Variants in RABEP2 observed in about 807,000 individuals in gnomAD.
RABEP2 encodes the protein rab GTPase-binding effector protein 2.
A neutral mutation model predicts 74.1 loss-of-function variants in RABEP2; 57 were observed. That is an observed-to-expected ratio of 0.77 (90% CI 0.62 to 0.96). The LOEUF (loss-of-function observed/expected upper bound fraction) is 0.96. Ranked by LOEUF, RABEP2 falls within the 40% of genes least tolerant of loss-of-function variation. The pLI is 0.00. For synonymous variants in RABEP2, 351 were observed against 344.0 expected, an observed-to-expected ratio of 1.02 and a Z score of -0.23; for missense variants, 692 against 756.3, an observed-to-expected ratio of 0.91 and a Z score of 1.00.
intron 7 of RABEP2, 172 bp downstream of exon 7, chr16:28,910,707 TCTGGCCACG>T: frequency 1.7e-6 from 1 of 584,294 alleles, no homozygotes; most frequent in East Asian, 2.9e-5. Flanking sequence ...GGGGCCCTGT[TCTGGCCACG>T]GCACCAGCTG....
At chr16:28,917,241 G>C (rs1964407624) in intron 3 of RABEP2, among the ~76,000 whole-genome samples, 1 of 152,034 alleles carries the variant, frequency 6.6e-6, no homozygotes, top group African/African-American at 2.4e-5. Context: ...AACCACTCAG[G>C]GACGCTGTTC....
rs1667911953 is a variant in RABEP2, at chr16:28,904,726, T to A, written c.*217A>T. The A allele has an allele frequency of 1.6e-6, 1 of 635,668 alleles. No individual in the cohort carries two copies. The highest frequency in any genetic ancestry group is 2.7e-6 in the Non-Finnish European group (1 of 377,090). The allele number at this position is 635,668 out of a possible 1,614,324, so 39.4% of individuals were successfully genotyped here. A position where few individuals can be genotyped will look rare whatever the true frequency, so the allele number is the denominator to read the frequency against. On this transcript the variant is annotated 3_prime_UTR_variant, in exon 13 of 13. Coordinates refer to ENST00000358201, the MANE Select transcript of RABEP2 (RefSeq NM_024816.3). The stretch of plus-strand genomic sequence containing the variant: ...CTGCACCTTTGGTTCCGGGAGGGGC[T>A]TGGGCCCCTCACCCAGGTGTGATCC...
chr16:28,924,311 T>C (rs1964505424), intron 2 of RABEP2, 92 bp downstream of exon 2: 2 of 1,300,086 alleles, frequency 1.5e-6, no homozygotes, highest in South Asian at 2.5e-5. Context: ...TGCTAACCTA[T>C]CCCATAGCTT....
At position 28,904,742 on chromosome 16, in the gene RABEP2, G is replaced by C; in HGVS notation, c.*201C>G. On this transcript the variant is annotated 3_prime_UTR_variant, in exon 13 of 13. Transcript: ENST00000358201. ...GGGAGGGGCTTGGGCCCCTCACCCAGGTGTGATCCCTGAGAACAGGAGGCC... is the reference window on the plus strand; with the variant it reads ...GGGAGGGGCTTGGGCCCCTCACCCACGTGTGATCCCTGAGAACAGGAGGCC... 3.1e-6 allele frequency: 2 copies of C among 643,880 alleles called. No homozygotes were observed. Among genetic ancestry groups the C allele is most frequent in the South Asian group, 3.9e-5 (2 of 51,150 alleles). 39.9% of individuals were successfully genotyped at this position (643,880 alleles called of 1,614,324 possible).
At chr16:28,918,548 G>A (rs894441815) in intron 3 of RABEP2, among the ~76,000 whole-genome samples, 3 of 152,056 alleles carry the variant, frequency 2.0e-5, no homozygotes, top group Admixed American at 1.3e-4. Context: ...CCAGGAGGCA[G>A]AGGTGGCAGT....
intron 7 of RABEP2, chr16:28,910,591 C>A: frequency 3.2e-6 from 1 of 314,442 alleles, no homozygotes; most frequent in East Asian, 6.5e-5. Flanking sequence ...GATTTTAATC[C>A]TCATGACTCT....
At chr16:28,921,182 T>C (rs1052765947) in intron 2 of RABEP2, 3 of 455,706 alleles carry the variant, frequency 6.6e-6, no homozygotes, top group Non-Finnish European at 1.3e-5. Context: ...TAGTAATAAA[T>C]ATTTACGCTG....
intron 8 of RABEP2, 40 bp downstream of exon 8, chr16:28,908,569 C>T (rs1284942111): frequency 6.4e-7 from 1 of 1,556,324 alleles, no homozygotes; most frequent in Non-Finnish European, 8.7e-7. Context: ...AAGGGGCCCT[C>T]ACGGTGGCTC....
Position 28,905,897 on chromosome 16 carries a change from G to C in RABEP2, c.1424-19C>G. ...AGCACCTCTGTGGGAAGGAAAGAAAGAGAGGTCAAGGCCAGCCTCTCTCCC... is the reference window on the plus strand; with the variant it reads ...AGCACCTCTGTGGGAAGGAAAGAAACAGAGGTCAAGGCCAGCCTCTCTCCC... On this transcript the variant is annotated intron_variant, in intron 9 of 12. Transcript: ENST00000358201. 2 of 1,613,562 alleles carry C rather than the reference G, an allele frequency of 1.2e-6. No homozygotes were observed. The highest frequency in any genetic ancestry group is 1.7e-6 in the Non-Finnish European group (2 of 1,180,000).
intron 1 of RABEP2, 123 bp downstream of exon 1, chr16:28,924,980 T>TC: frequency 8.8e-7 from 1 of 1,140,586 alleles, no homozygotes; most frequent in Middle Eastern, 2.7e-4. Flanking sequence ...CCGCCCCCTT[T>TC]CCCGACGGCG....
At chr16:28,914,815 C>G (rs1964366938) in intron 3 of RABEP2, 33 bp from the exon 4 acceptor site, 1 of 1,597,146 alleles carries the variant, frequency 6.3e-7, no homozygotes, top group African/African-American at 1.3e-5. Context: ...GCAATAGTTC[C>G]CCCTCCAAAG....
chr16:28,919,562 T>C (rs1163564480), intron 3 of RABEP2: 1 of 414,520 alleles, frequency 2.4e-6, no homozygotes, highest in East Asian at 3.6e-5. Flanking sequence ...TCTACATAAC[T>C]TAAGTTAATT....
Position 28,904,633 on chromosome 16 carries a change from G to T in RABEP2, c.*310C>A. 1.1e-6 allele frequency: 1 copy of T among 924,166 alleles called. No individual in the cohort carries two copies. Among genetic ancestry groups the T allele is most frequent in the South Asian group, 1.7e-5 (1 of 58,676 alleles). 57.2% of individuals were successfully genotyped at this position (924,166 alleles called of 1,614,324 possible). On this transcript the variant is annotated 3_prime_UTR_variant, in exon 13 of 13. Coordinates refer to ENST00000358201, the MANE Select transcript of RABEP2 (RefSeq NM_024816.3). The stretch of plus-strand genomic sequence containing the variant: ...CTCCGCTGTGCCCTGGGCAGGGGAC[G>T]GGCTGGGGGCAGGGGAGGGCTGGAG...
chr16:28,919,166 CT>C (rs1214017998), intron 3 of RABEP2, among the ~76,000 whole-genome samples: 1 of 152,102 alleles, frequency 6.6e-6, no homozygotes. Context: ...CAGAGGCATC[CT>C]TTTTTTAAGA....
intron 11 of RABEP2, 56 bp downstream of exon 11, chr16:28,905,648 G>C (rs1379704429): frequency 6.3e-7 from 1 of 1,588,004 alleles, no homozygotes; most frequent in African/African-American, 1.3e-5. Context: ...GGGTGGGGGA[G>C]GGTCTTTTCC....
chr16:28,924,395 C>T lies in RABEP2; in HGVS notation c.274+8G>A, dbSNP rs745407189. On this transcript the variant is annotated splice_region_variant and intron_variant, in intron 2 of 12. Coordinates refer to ENST00000358201, the MANE Select transcript of RABEP2 (RefSeq NM_024816.3). ...TGATGGGGAGTCTAGGTGAGTCCCG[C>T]GTCTCACCTTTCAGGATGGCCTGCA... The T allele has an allele frequency of 5.6e-6, 9 of 1,607,608 alleles. No individual in the cohort carries two copies. Among genetic ancestry groups the T allele is most frequent in the Non-Finnish European group, 7.6e-6 (9 of 1,177,404 alleles).
chr16:28,921,130 C>G, intron 2 of RABEP2: 1 of 454,428 alleles, frequency 2.2e-6, no homozygotes, highest in Middle Eastern at 4.4e-4. Context: ...TCCCAAAGTG[C>G]TGGGATTACA....
intron 3 of RABEP2, among the ~76,000 whole-genome samples, chr16:28,915,668 A>G (rs1200212254): frequency 2.1e-5 from 3 of 144,280 alleles, no homozygotes; most frequent in African/African-American, 7.8e-5. Context: ...CCTCAGCCTC[A>G]TGAGTAGCTG....
intron 2 of RABEP2, among the ~76,000 whole-genome samples, chr16:28,921,647 A>AT (rs56325875): frequency 0.019 from 2,100 of 113,382 alleles, 21 homozygotes; most frequent in Non-Finnish European, 0.024. Flanking sequence ...TAGAACATAG[A>AT]TTTTTTTTTT....
Sources: gnomAD v4.1 joint callset for allele counts (sites outside exome capture counted in the v4.1 genomes callset) on GRCh38, gnomAD v4.1.1 for gene constraint, MANE v1.5 for transcripts, NCBI Gene and HGNC (gene_info 2026-07-23, HGNC 2026-07-21) for gene names.